Variants in RPAP1 observed in about 807,000 individuals in gnomAD.
RPAP1 encodes RNA polymerase II associated protein 1.
A neutral mutation model predicts 142.4 loss-of-function variants in RPAP1; 109 were observed. That is an observed-to-expected ratio of 0.77 (90% CI 0.66 to 0.90). RPAP1 has a LOEUF of 0.90. RPAP1 is among the 40% of genes least tolerant of loss of function. The probability of loss-of-function intolerance (pLI) is 0.00; values close to 1 mark genes in which losing one functional copy is unlikely to be tolerated. For missense variants in RPAP1, 1,546 were observed against 1,751.7 expected (o/e 0.88, Z 2.10); for synonymous variants, 704 against 738.9 (o/e 0.95, Z 0.77).
At chr15:41,533,116 A>C (rs965450108) in intron 6 of RPAP1, among the ~76,000 whole-genome samples, 1 of 151,340 alleles carries the variant, frequency 6.6e-6, no homozygotes, top group East Asian at 1.9e-4. Context: ...AGTTTCTTTC[A>C]TAAGTAAAAT....
At chr15:41,525,203 T>C (rs767079863) in intron 14 of RPAP1, 55 bp from the exon 15 acceptor site, 28 of 1,503,450 alleles carry the variant, frequency 1.9e-5, no homozygotes, top group African/African-American at 2.8e-5. Context: ...CAAGTCCAGC[T>C]ACTCTCAGCT....
Position 41,535,555 on chromosome 15 carries a change from G to A in RPAP1, c.498C>T (p.Gly166=), listed in dbSNP as rs1439023741. Residue 166 remains glycine (G), a synonymous_variant, in exon 5 of 25, where the codon GGC becomes GGT. Coordinates refer to ENST00000304330, the MANE Select transcript of RPAP1 (RefSeq NM_015540.4). The part of the protein sequence containing the change: ...IAARRIAEAK[G]PSVGEVVPNV... ...TGGGCACAACTTCCCCAACTGATGG[G>A]CCCTTGGCTTCAGCTATCCTCCTTG... is the stretch of plus-strand genomic sequence containing the variant. 1.9e-6 allele frequency: 3 copies of A among 1,613,652 alleles called. No homozygotes were observed. The highest frequency in any genetic ancestry group is 1.3e-5 in the African/African-American group (1 of 74,890).
intron 6 of RPAP1, among the ~76,000 whole-genome samples, chr15:41,534,109 C>G (rs1168604408): frequency 1.4e-5 from 2 of 144,742 alleles, no homozygotes; most frequent in Admixed American, 1.4e-4. Flanking sequence ...GCAACAAGAC[C>G]GAAACTCCAT....
intron 7 of RPAP1, 29 bp from the exon 8 acceptor site, chr15:41,530,008 C>A (rs754771719): frequency 6.3e-7 from 1 of 1,579,150 alleles, no homozygotes; most frequent in South Asian, 1.1e-5. Flanking sequence ...ATAGTATTAC[C>A]CAAACGGCTC....
rs1221322520 is a variant in RPAP1 at position 41,527,205 on chromosome 15, T to A, written c.1708A>T (p.Ile570Phe). 4.3e-6 allele frequency: 7 copies of A among 1,614,090 alleles called. No homozygotes were observed. The highest frequency in any genetic ancestry group is 5.9e-6 in the Non-Finnish European group (7 of 1,180,042). Reference protein sequence around the residue: ...AVVLDILAVLIRLARHSLESA... With the variant: ...AVVLDILAVLFRLARHSLESA... ...TCCAGGGAATGCCGGGCCAGGCGGA[T>A]GAGCACAGCCAGGATGTCAAGGACC... Residue 570 changes from isoleucine to phenylalanine, a missense_variant, in exon 13 of 25, where the codon ATC becomes TTC. Physicochemically the swap from Ile to Phe is conservative, Grantham distance 21 (BLOSUM62 0). Coordinates refer to ENST00000304330, the MANE Select transcript of RPAP1 (RefSeq NM_015540.4).
chr15:41,527,358 G>GGCCC (rs1232710201), intron 12 of RPAP1, 57 bp from the exon 13 acceptor site: 1 of 1,612,776 alleles, frequency 6.2e-7, no homozygotes, highest in Non-Finnish European at 8.5e-7. Flanking sequence ...GGGCATTGAT[G>GGCCC]GCCCCTCTTT....
rs781274209 is a variant in RPAP1 at position 41,527,100 on chromosome 15, G to A, written c.1747-32C>T. The A allele has an allele frequency of 3.1e-6, 5 of 1,612,284 alleles. No homozygotes were observed. In the African/African-American group the frequency reaches 4.0e-5, roughly 13 times the overall value. ...GAGACAGGAGGTAAAAGGGAGGAAG[G>A]GAGGCTGTGGGTCAAGACAAGGCCC... On this transcript the variant is annotated intron_variant, in intron 13 of 24. Coordinates refer to ENST00000304330, the MANE Select transcript of RPAP1 (RefSeq NM_015540.4).
intron 20 of RPAP1, 28 bp downstream of exon 20, chr15:41,522,070 G>A (rs2140760019): frequency 6.2e-7 from 1 of 1,609,992 alleles, no homozygotes; most frequent in East Asian, 2.2e-5. Flanking sequence ...TGGGATGACA[G>A]GAGAACCTGT....
In RPAP1 at chr15:41,535,588, T is replaced by C; in HGVS notation, c.465A>G (p.Glu155=). Residue 155 remains glutamate (E), a synonymous_variant, in exon 5 of 25, where the codon GAA becomes GAG. Coordinates refer to ENST00000304330, the MANE Select transcript of RPAP1 (RefSeq NM_015540.4). ...TSGKRSIFAQ[E]IAARRIAEAK... ...CTTCAGCTATCCTCCTTGCCGCAAT[T>C]TCCTGGGCAAAGATGCTTCTCTTAC... 6.2e-7 allele frequency: 1 copy of C among 1,614,060 alleles called. No homozygotes were observed. The highest frequency in any genetic ancestry group is 8.5e-7 in the Non-Finnish European group (1 of 1,179,988).
chr15:41,535,364 C>G, intron 5 of RPAP1, 148 bp downstream of exon 5: 2 of 1,176,520 alleles, frequency 1.7e-6, no homozygotes, highest in Non-Finnish European at 2.4e-6. Context: ...AGATATGGAC[C>G]CAAGCCTCCC....
chr15:41,518,360 A>G, intron 22 of RPAP1, 178 bp from the exon 23 acceptor site: 1 of 531,220 alleles, frequency 1.9e-6, no homozygotes. Flanking sequence ...ATGTTGGGGA[A>G]AACTGGGAAC....
intron 22 of RPAP1, among the ~76,000 whole-genome samples, chr15:41,518,895 A>G (rs79297129): frequency 5.9e-5 from 9 of 152,144 alleles, no homozygotes; most frequent in African/African-American, 1.4e-4. Flanking sequence ...ACAAAATACA[A>G]TAACTTCTTT....
chr15:41,536,524 T>G lies in RPAP1; in HGVS notation c.307A>C (p.Thr103Pro), dbSNP rs1167705766. 6.2e-7 allele frequency: 1 copy of G among 1,614,174 alleles called. No individual in the cohort carries two copies. Among genetic ancestry groups the G allele is most frequent in the South Asian group, 1.1e-5 (1 of 91,080 alleles). ...ACAATAATCTTAGTCAAGACAGCAG[T>G]GATGTGCTGATCATGCCTCCTCAGC... ...ERLRRHDQHI[T>P]AVLTKIIERD... is the part of the protein sequence containing the mutation. The change falls in exon 3 of 25, where the codon ACT becomes CCT. Residue 103 changes from threonine to proline, a missense_variant. By Grantham distance (38) the Thr-to-Pro change is conservative (BLOSUM62 -1). Around this residue, in one of 3 missense-constraint regions of RPAP1, gnomAD observed 1,333 missense variants for 1,486.6 expected, o/e 0.90. Transcript: ENST00000304330.
intron 1 of RPAP1, among the ~76,000 whole-genome samples, chr15:41,538,243 AAAAAC>A (rs756160652): frequency 2.0e-5 from 3 of 152,196 alleles, no homozygotes; most frequent in Non-Finnish European, 4.4e-5. Context: ...ACTCTGTCAA[AAAAAC>A]AAAACAAAAC....
chr15:41,532,354 G>A (rs1351493016), intron 6 of RPAP1, among the ~76,000 whole-genome samples: 1 of 151,798 alleles, frequency 6.6e-6, no homozygotes, highest in Non-Finnish European at 1.5e-5. Context: ...TGTAGAGATG[G>A]GGTCTCATGA....
chr15:41,524,630 C>T (rs572880770), intron 15 of RPAP1, among the ~76,000 whole-genome samples: 1 of 152,118 alleles, frequency 6.6e-6, no homozygotes, highest in African/African-American at 2.4e-5. Context: ...TGTGTGCCAC[C>T]ACGCCTGGCT....
Position 41,534,938 on chromosome 15 carries a change from G to A in RPAP1, c.542-3C>T, listed in dbSNP as rs1230800581. ...GGGTGTCTCACAGGTCACGGCACCT[G>A]GAAGAAAGGTATGATCACATTCATT... is the stretch of plus-strand genomic sequence containing the variant. On this transcript the variant is annotated splice_polypyrimidine_tract_variant and splice_region_variant and intron_variant, in intron 5 of 24. Coordinates refer to ENST00000304330, the MANE Select transcript of RPAP1 (RefSeq NM_015540.4). The A allele has an allele frequency of 6.2e-7, 1 of 1,613,588 alleles. No individual in the cohort carries two copies. The highest frequency in any genetic ancestry group is 8.5e-7 in the Non-Finnish European group (1 of 1,179,816).
At chr15:41,527,353 T>C in intron 12 of RPAP1, 52 bp from the exon 13 acceptor site, 1 of 1,613,084 alleles carries the variant, frequency 6.2e-7, no homozygotes, top group African/African-American at 1.3e-5. Flanking sequence ...ACCCTGGGCA[T>C]TGATGGCCCC....
At chr15:41,531,910 C>T (rs1450812142) in intron 6 of RPAP1, among the ~76,000 whole-genome samples, 1 of 151,900 alleles carries the variant, frequency 6.6e-6, no homozygotes, top group Non-Finnish European at 1.5e-5. Flanking sequence ...TGCTGGAGTG[C>T]AGTGGCACAA....
Sources: allele counts gnomAD v4.1 joint callset (sites outside exome capture counted in the v4.1 genomes callset), GRCh38; gene constraint gnomAD v4.1.1; regional missense constraint gnomAD v4.1.1; transcripts MANE v1.5; gene names NCBI Gene and HGNC (gene_info 2026-07-23, HGNC 2026-07-21).